OSBPL6: variants seen among roughly 807,000 people sequenced by gnomAD.
The protein encoded by OSBPL6 is oxysterol binding protein like 6.
In OSBPL6, 49 loss-of-function variants were observed where a neutral mutation model predicts 125.8. The observed-to-expected ratio is 0.39, with a 90% CI of 0.31 to 0.49. The LOEUF is 0.49. Among genes scored for constraint, OSBPL6 ranks in the 20% least tolerant of loss-of-function variants. OSBPL6 has a pLI of 0.88. For missense variants in OSBPL6, 986 were observed against 1,135.4 expected, an observed-to-expected ratio of 0.87 and a Z score of 1.89; for synonymous variants, 394 against 391.8, an observed-to-expected ratio of 1.01 and a Z score of -0.07.
chr2:178,333,171 G>A, intron 8 of OSBPL6, 130 bp downstream of exon 8: 1 of 968,556 alleles, frequency 1.0e-6, no homozygotes. Flanking sequence ...TCGCCTGACA[G>A]CCAGGAGTTC....
At chr2:178,218,395 AAAAAAAAAAAATT>A (rs2090177879) in intron 1 of OSBPL6, among the ~76,000 whole-genome samples, 1 of 103,888 alleles carries the variant, frequency 9.6e-6, no homozygotes, top group South Asian at 3.2e-4. Flanking sequence ...AGCATTATTA[AAAAAAAAAAAATT>A]AAAAAAAAAA....
intron 11 of OSBPL6, among the ~76,000 whole-genome samples, chr2:178,345,789 G>A (rs1690639464): frequency 1.3e-5 from 2 of 152,244 alleles, no homozygotes; most frequent in Non-Finnish European, 2.9e-5. Context: ...ATCTAAGATG[G>A]CATGCAGAGA....
At chr2:178,269,221 G>A (rs767127725) in intron 1 of OSBPL6, among the ~76,000 whole-genome samples, 2 of 152,182 alleles carry the variant, frequency 1.3e-5, no homozygotes, top group African/African-American at 2.4e-5. Flanking sequence ...GGCATGTAGA[G>A]CTTCTGTGCC....
At chr2:178,258,476 G>A (rs1015699980) in intron 1 of OSBPL6, among the ~76,000 whole-genome samples, 1 of 152,114 alleles carries the variant, frequency 6.6e-6, no homozygotes, top group Non-Finnish European at 1.5e-5. Flanking sequence ...GTACACCTAT[G>A]TACCCATCAC....
At chr2:178,270,118 C>T (rs1370633664) in intron 1 of OSBPL6, among the ~76,000 whole-genome samples, 7 of 152,114 alleles carry the variant, frequency 4.6e-5, no homozygotes, top group Non-Finnish European at 1.0e-4. Flanking sequence ...TGATAGGACC[C>T]CTGCAGCAGG....
chr2:178,238,586 T>C (rs1007629723), intron 1 of OSBPL6, among the ~76,000 whole-genome samples: 1 of 152,178 alleles, frequency 6.6e-6, no homozygotes, highest in African/African-American at 2.4e-5. Context: ...GAATCTTCTA[T>C]CTGTAAAATT....
chr2:178,234,026 A>G (rs575212638), intron 1 of OSBPL6, among the ~76,000 whole-genome samples: 1 of 152,156 alleles, frequency 6.6e-6, no homozygotes. Flanking sequence ...CAGCTATTTA[A>G]TAATACTAAT....
At chr2:178,346,247 A>G (rs948806760) in intron 11 of OSBPL6, among the ~76,000 whole-genome samples, 2 of 152,242 alleles carry the variant, frequency 1.3e-5, no homozygotes, top group African/African-American at 4.8e-5. Flanking sequence ...TTCCCATGGA[A>G]GAACACTGAG....
intron 2 of OSBPL6, among the ~76,000 whole-genome samples, chr2:178,300,798 C>A (rs1481621294): frequency 6.6e-6 from 1 of 151,964 alleles, no homozygotes. Context: ...TAGATTCCAG[C>A]GTGATTTAGA....
rs147845720 is a variant in OSBPL6 at position 178,219,694 on chromosome 2, A to T, written c.-351+25020A>T. Among the ~76,000 whole-genome samples, 301 of 152,280 alleles carry T rather than the reference A, an allele frequency of 2.0e-3. 1 individual carries two copies. Among genetic ancestry groups the T allele is most frequent in the African/African-American group, 7.0e-3 (291 of 41,552 alleles). ...CTTTCCAGCAAGATTCTACTTTTGG[A>T]GTGTAACAGCAACTAATTACGTGCT... On this transcript the variant is annotated intron_variant, in intron 1 of 24. Transcript: ENST00000190611.
rs749565034 is a variant in OSBPL6 at position 178,385,508 on chromosome 2, T to C, written c.2064T>C (p.Phe688=). 3.7e-6 allele frequency: 6 copies of C among 1,609,452 alleles called. No individual in the cohort carries two copies. The highest frequency in any genetic ancestry group is 4.3e-6 in the Non-Finnish European group (5 of 1,176,200). Reference sequence around the variant, plus strand: ...CCTGTCACTGTGAATCAAAGAATTTTGTGTTTTGGCAAGGTTTGTATTTCA... The same window carrying C: ...CCTGTCACTGTGAATCAAAGAATTTCGTGTTTTGGCAAGGTTTGTATTTCA... The part of the protein sequence containing the change: ...ISACHCESKN[F]VFWQDIRWKN... Residue 688 remains phenylalanine, a synonymous_variant, in exon 19 of 25, where the codon TTT becomes TTC. Coordinates refer to ENST00000190611, the MANE Select transcript of OSBPL6 (RefSeq NM_032523.4).
Position 178,344,416 on chromosome 2 carries a change from A to G in OSBPL6, c.987+4652A>G, listed in dbSNP as rs754808135. 9 of 1,548,494 alleles carry G rather than the reference A, an allele frequency of 5.8e-6. No individual in the cohort carries two copies. In the South Asian group the frequency reaches 1.0e-4, roughly 17 times the overall value. On this transcript the variant is annotated intron_variant, in intron 11 of 24. Transcript: ENST00000190611. The stretch of plus-strand genomic sequence containing the variant: ...TAATAAGAATGAGAACCTGTGTACA[A>G]GGATGACTCCCCTGTCCTGATGGTG...
chr2:178,372,565 A>G (rs1162358450), intron 14 of OSBPL6, among the ~76,000 whole-genome samples: 1 of 78,232 alleles, frequency 1.3e-5, no homozygotes, highest in African/African-American at 5.1e-5. Flanking sequence ...GGCCGGTGAA[A>G]TGTTGCAAAA....
chr2:178,274,186 CAGAT>C (rs377700625), intron 1 of OSBPL6, among the ~76,000 whole-genome samples: 1 of 152,136 alleles, frequency 6.6e-6, no homozygotes, highest in Non-Finnish European at 1.5e-5. Context: ...AGAATTTTAT[CAGAT>C]AGGCTTGCAA....
Position 178,382,180 on chromosome 2 carries a change from T to C in OSBPL6, c.1534-240T>C, listed in dbSNP as rs73034341. ...TAAAATATTTCTGGTTCTTTACTGG[T>C]CTCCCCTGCCCTCCTGCCCCTACTA... On this transcript the variant is annotated intron_variant, in intron 15 of 24. Coordinates refer to ENST00000190611, the MANE Select transcript of OSBPL6 (RefSeq NM_032523.4). Among the ~76,000 whole-genome samples, 480 of 152,268 alleles carry C rather than the reference T, an allele frequency of 3.2e-3. 3 individuals are homozygous for C. Among genetic ancestry groups the C allele is most frequent in the African/African-American group, 0.011 (448 of 41,554 alleles).
rs916234255 is a variant in OSBPL6 at position 178,239,416 on chromosome 2, C to T, written c.-351+44742C>T. Among the ~76,000 whole-genome samples the T allele has an allele frequency of 2.6e-5, 4 of 151,984 alleles. No individual in the cohort carries two copies. In the South Asian group the frequency reaches 8.3e-4, roughly 32 times the overall value. ...CTCTACAAAAAATTTAAGGATTAGC[C>T]GGGTGCAGTAGCACATGCCTGCAGT... On this transcript the variant is annotated intron_variant, in intron 1 of 24. Transcript: ENST00000190611.
At chr2:178,271,034 C>T (rs1262955295) in intron 1 of OSBPL6, among the ~76,000 whole-genome samples, 1 of 152,104 alleles carries the variant, frequency 6.6e-6, no homozygotes, top group Non-Finnish European at 1.5e-5. Flanking sequence ...TTACACAGTA[C>T]CACAGACTTC....
chr2:178,333,424 G>A (rs1214104626), intron 8 of OSBPL6, among the ~76,000 whole-genome samples: 1 of 152,066 alleles, frequency 6.6e-6, no homozygotes, highest in Non-Finnish European at 1.5e-5. Flanking sequence ...AGAAAATTAT[G>A]CAAATGCATA....
intron 17 of OSBPL6, 27 bp from the exon 18 acceptor site, chr2:178,384,012 A>G: frequency 2.5e-6 from 4 of 1,611,012 alleles, no homozygotes; most frequent in Non-Finnish European, 3.4e-6. Context: ...CTCCTATATT[A>G]TTCCCTTTTC....
Sources: gnomAD v4.1 joint callset for allele counts (sites outside exome capture counted in the v4.1 genomes callset) on GRCh38, gnomAD v4.1.1 for gene constraint, MANE v1.5 for transcripts, NCBI Gene and HGNC (gene_info 2026-07-23, HGNC 2026-07-21) for gene names.